TMEM68: variants seen among roughly 807,000 people sequenced by gnomAD.
TMEM68 encodes the protein transmembrane protein 68.
In TMEM68, 25 loss-of-function variants were observed where a neutral mutation model predicts 36.9. That is an observed-to-expected ratio of 0.68 (90% CI 0.49 to 0.95). The LOEUF (loss-of-function observed/expected upper bound fraction) is 0.95. Among genes scored for constraint, TMEM68 ranks in the 40% least tolerant of loss-of-function variants. The pLI is 0.00. For missense variants in TMEM68, 333 were observed against 392.0 expected (o/e 0.85, Z 1.27); for synonymous variants, 131 against 124.4 (o/e 1.05, Z -0.35).
intron 4 of TMEM68, chr8:55,751,481 T>G (rs1005839413): frequency 9.2e-6 from 4 of 434,910 alleles, no homozygotes; most frequent in Non-Finnish European, 1.8e-5. Context: ...ATTCCAGAGA[T>G]AGGATTCTAA....
chr8:55,754,933 ATATATATT>A (rs1401948550), intron 4 of TMEM68, among the ~76,000 whole-genome samples: 5 of 43,600 alleles, frequency 1.1e-4, no homozygotes, highest in African/African-American at 4.8e-4. Flanking sequence ...ATATATATTT[ATATATATT>A]TATACACACA....
At chr8:55,754,127 C>T (rs911775964) in intron 4 of TMEM68, among the ~76,000 whole-genome samples, 12 of 150,468 alleles carry the variant, frequency 8.0e-5, no homozygotes, top group Admixed American at 7.3e-4. Flanking sequence ...CACACACACA[C>T]ATACACACAT....
intron 1 of TMEM68, among the ~76,000 whole-genome samples, chr8:55,769,833 A>C (rs1811097174): frequency 6.6e-6 from 1 of 152,146 alleles, no homozygotes. Context: ...GGGTTTTGCC[A>C]TGTTGGCCAG....
At chr8:55,754,444 A>AATATATATATATATATATAT (rs769626273) in intron 4 of TMEM68, among the ~76,000 whole-genome samples, 16 of 101,124 alleles carry the variant, frequency 1.6e-4, no homozygotes, top group African/African-American at 6.2e-4. Flanking sequence ...CTCTGTCTCG[A>AATATATATATATATATATAT]ATATATATAT....
intron 3 of TMEM68, among the ~76,000 whole-genome samples, chr8:55,757,493 C>T (rs1027045990): frequency 3.3e-5 from 5 of 152,122 alleles, no homozygotes; most frequent in Non-Finnish European, 5.9e-5. Flanking sequence ...TAAAGAGAGC[C>T]CCTGCTAATG....
intron 3 of TMEM68, chr8:55,761,070 C>G (rs1421800365): frequency 6.6e-6 from 1 of 152,090 alleles, no homozygotes; most frequent in African/African-American, 2.4e-5. Context: ...TGGTTGAAAG[C>G]AGAAAAATCC....
chr8:55,743,661 T>C, intron 6 of TMEM68, 41 bp from the exon 7 acceptor site: 1 of 1,505,446 alleles, frequency 6.6e-7, no homozygotes, highest in Non-Finnish European at 8.9e-7. Flanking sequence ...TTGTTAAGTA[T>C]TCTGACCATG....
At chr8:55,769,792 C>T (rs1010405798) in intron 1 of TMEM68, among the ~76,000 whole-genome samples, 20 of 152,198 alleles carry the variant, frequency 1.3e-4, no homozygotes, top group African/African-American at 4.6e-4. Flanking sequence ...ACCACTGCAC[C>T]CAGCTAATTT....
At position 55,762,644 on chromosome 8, in the gene TMEM68, C is replaced by A; in HGVS notation, c.316G>T (p.Val106Phe). Residue 106 changes from valine (V) to phenylalanine (F), a missense_variant, in exon 3 of 8, where the codon GTT becomes TTT. Physicochemically the swap from Val to Phe is conservative, Grantham distance 50 (BLOSUM62 -1). Coordinates refer to ENST00000434581, the MANE Select transcript of TMEM68 (RefSeq NM_001286657.2). ...VATLWDGHAA[V>F]WHGYEVHGME... is the part of the protein sequence containing the mutation. ...AAGTATCCTTGCTTACCATGCCAAA[C>A]GGCTGCATGTCCATCCCACAGAGTT... is the stretch of plus-strand genomic sequence containing the variant. 1 of 1,614,186 alleles carries A rather than the reference C, an allele frequency of 6.2e-7. No individual in the cohort carries two copies. Among genetic ancestry groups the A allele is most frequent in the Non-Finnish European group, 8.5e-7 (1 of 1,180,030 alleles).
chr8:55,739,907 A>C lies in TMEM68; in HGVS notation c.*225T>G, dbSNP rs533761922. ...ATAAATTGTTAGGAATTTACAAATAAGACATCTTTTTCTGAATTACTAGGT... is the reference window on the plus strand; with the variant it reads ...ATAAATTGTTAGGAATTTACAAATACGACATCTTTTTCTGAATTACTAGGT... On this transcript the variant is annotated 3_prime_UTR_variant, in exon 8 of 8. Coordinates refer to ENST00000434581, the MANE Select transcript of TMEM68 (RefSeq NM_001286657.2). 5 of 459,612 alleles carry C rather than the reference A, an allele frequency of 1.1e-5. No homozygotes were observed. The South Asian group carries it at 1.8e-4, about 17-fold the overall frequency. 28.5% of individuals were successfully genotyped at this position (459,612 alleles called of 1,614,324 possible).
chr8:55,754,800 TAATATATATTTATATTA>T, intron 4 of TMEM68, among the ~76,000 whole-genome samples: 1 of 102,088 alleles, frequency 9.8e-6, no homozygotes, highest in South Asian at 3.1e-4. Flanking sequence ...AATACATATA[TAATATATATTTATATTA>T]TATATAAAAT....
chr8:55,756,139 AAAAGCTTTTTC>A, intron 4 of TMEM68, 94 bp downstream of exon 4: 2 of 979,740 alleles, frequency 2.0e-6, no homozygotes, highest in Non-Finnish European at 2.9e-6. Flanking sequence ...CTAAAAGGCA[AAAAGCTTTTTC>A]AAATGACGTT....
intron 1 of TMEM68, among the ~76,000 whole-genome samples, chr8:55,769,895 A>T (rs907830518): frequency 6.6e-6 from 1 of 152,196 alleles, no homozygotes; most frequent in Admixed American, 6.5e-5. Context: ...CACCTTCCAA[A>T]GTGCTCGGAT....
chr8:55,746,317 C>CAGAA (rs1554551776), intron 5 of TMEM68: 1 of 57,184 alleles, frequency 1.7e-5, no homozygotes, highest in Non-Finnish European at 2.8e-5. Flanking sequence ...CACTGTCTCC[C>CAGAA]AAAAAAAAAA....
chr8:55,748,583 G>C (rs190033093), intron 5 of TMEM68, among the ~76,000 whole-genome samples: 2 of 150,948 alleles, frequency 1.3e-5, no homozygotes, highest in African/African-American at 4.9e-5. Context: ...GGAAGGGGGG[G>C]AGAGAGAGAG....
intron 3 of TMEM68, among the ~76,000 whole-genome samples, chr8:55,759,821 T>C (rs532582460): frequency 5.3e-5 from 8 of 152,192 alleles, no homozygotes; most frequent in Non-Finnish European, 8.8e-5. Context: ...TCTTATTACA[T>C]GTGGGGGAAA....
At chr8:55,754,476 C>T (rs1475728581) in intron 4 of TMEM68, among the ~76,000 whole-genome samples, 12 of 134,910 alleles carry the variant, frequency 8.9e-5, no homozygotes, top group South Asian at 2.2e-4. Flanking sequence ...TACACACACA[C>T]ACACACACAC....
chr8:55,748,467 T>G (rs1020528107), intron 5 of TMEM68, among the ~76,000 whole-genome samples: 7 of 151,194 alleles, frequency 4.6e-5, no homozygotes, highest in African/African-American at 1.7e-4. Context: ...CATGAAGGAG[T>G]TGCATCAGCA....
At chr8:55,759,499 AG>A (rs1005631417) in intron 3 of TMEM68, among the ~76,000 whole-genome samples, 72 of 152,176 alleles carry the variant, frequency 4.7e-4, no homozygotes, top group African/African-American at 1.7e-3. Context: ...CGAACTTGGG[AG>A]GCGGAGGTTG....
Sources: gnomAD v4.1 joint callset for allele counts (sites outside exome capture counted in the v4.1 genomes callset) on GRCh38, gnomAD v4.1.1 for gene constraint, MANE v1.5 for transcripts, NCBI Gene and HGNC (gene_info 2026-07-23, HGNC 2026-07-21) for gene names.